The following ATP5F1A variants were observed in gnomAD, a reference collection of about 807,000 sequenced individuals.
ATP5F1A encodes ATP synthase F1 subunit alpha.
In ATP5F1A, 24 loss-of-function variants were observed where a neutral mutation model predicts 57.4. The ratio of observed to expected loss-of-function variants is 0.42; its 90% CI spans 0.30 to 0.59. ATP5F1A has a LOEUF of 0.59. Ranked by LOEUF, ATP5F1A falls within the 20% of genes least tolerant of loss-of-function variation. ATP5F1A has a pLI of 0.19. For synonymous variants in ATP5F1A, 251 were observed against 255.5 expected (o/e 0.98, Z 0.17); for missense variants, 494 against 707.9 (o/e 0.70, Z 3.43).
intron 2 of ATP5F1A, chr18:46,093,419 A>G (rs1344065310): frequency 2.0e-5 from 3 of 151,160 alleles, no homozygotes; most frequent in African/African-American, 7.3e-5. Context: ...TGCTTGTAAT[A>G]CCAGCTACTC....
upstream of ATP5F1A, among the ~76,000 whole-genome samples, chr18:46,101,879 GA>G (rs34615241): frequency 0.015 from 1,706 of 114,114 alleles, 33 homozygotes; most frequent in African/African-American, 0.048. Flanking sequence ...GATTCTGTCT[GA>G]AAAAAAAAAA....
rs140950200 is a variant in ATP5F1A at position 46,094,186 on chromosome 18, C to CACACACACACACACATAT, written c.139+866_139+867insATATGTGTGTGTGTGTGT. On this transcript the variant is annotated intron_variant, in intron 2 of 11. Transcript: ENST00000398752. ...ACATACACACACACACACACACACA[C>CACACACACACACACATAT]ATATACACACACACTCTCACACACA... Among the ~76,000 whole-genome samples, 234 of 151,096 alleles carry CACACACACACACACATAT rather than the reference C, an allele frequency of 1.5e-3. 1 individual carries two copies. Among genetic ancestry groups the CACACACACACACACATAT allele is most frequent in the African/African-American group, 5.1e-3 (209 of 41,054 alleles).
At chr18:46,094,917 G>A in intron 2 of ATP5F1A, 136 bp downstream of exon 2, 1 of 1,257,196 alleles carries the variant, frequency 8.0e-7, no homozygotes, top group Non-Finnish European at 1.0e-6. Context: ...GTAACAATAT[G>A]GTTTAAGAAC....
chr18:46,086,183 G>A lies in ATP5F1A; in HGVS notation c.1359C>T (p.Leu453=), dbSNP rs568546473. The change falls in exon 10 of 12, where the codon CTC becomes CTT. Residue 453 remains leucine, a synonymous_variant. Transcript: ENST00000398752. ...TCAAAAGTTGTTGAGTGGCAGCATC[G>A]AGGTCAGAACCGAACTGGGCAAAAG... ...VAAFAQFGSD[L]DAATQQLLSR... is the part of the protein sequence containing the mutation. The A allele has an allele frequency of 1.4e-5, 22 of 1,612,472 alleles. No individual in the cohort carries two copies. The African/African-American group carries it at 2.0e-4, about 15-fold the overall frequency.
chr18:46,090,636 G>A (rs145802281), intron 3 of ATP5F1A, among the ~76,000 whole-genome samples: 2 of 152,264 alleles, frequency 1.3e-5, no homozygotes, highest in East Asian at 3.9e-4. Flanking sequence ...CTCTGGAGAA[G>A]TACTTGGAGT....
At chr18:46,085,949 TC>T in intron 10 of ATP5F1A, 163 bp downstream of exon 10, 1 of 743,846 alleles carries the variant, frequency 1.3e-6, no homozygotes, top group Non-Finnish European at 2.0e-6. Context: ...AAAAAAAAAA[TC>T]AAAAATCAAA....
At chr18:46,101,998 C>T (rs947133383), upstream of ATP5F1A, among the ~76,000 whole-genome samples, 3 of 151,742 alleles carry the variant, frequency 2.0e-5, no homozygotes, top group African/African-American at 7.3e-5. Flanking sequence ...CATGGTGAAA[C>T]CCTGTCTCTA....
upstream of ATP5F1A, among the ~76,000 whole-genome samples, chr18:46,102,030 C>T (rs987972369): frequency 4.3e-4 from 66 of 151,758 alleles, no homozygotes; most frequent in Non-Finnish European, 8.1e-4. Context: ...AAAAATTAGC[C>T]GGGTGTGGTG....
Position 46,087,103 on chromosome 18 carries a change from C to T in ATP5F1A, c.1081G>A (p.Gly361Ser). 1 of 1,614,090 alleles carries T rather than the reference C, an allele frequency of 6.2e-7. No individual in the cohort carries two copies. The highest frequency in any genetic ancestry group is 8.5e-7 in the Non-Finnish European group (1 of 1,179,986). Residue 361 changes from glycine to serine, a missense_variant, in exon 8 of 12, where the codon GGT becomes AGT. Physicochemically the swap from Gly to Ser is moderately conservative, Grantham distance 56. This residue lies in a region of ATP5F1A where 15 missense variants were observed against 16.3 expected (regional missense o/e 0.92). Transcript: ENST00000398752. ...ACTGGCAAAGCAGTCAAGGAGCCAC[C>T]ACCAAAAGCATCGTTCATTTTGGCT... Reference protein sequence around the residue: ...RAAKMNDAFGGGSLTALPVIE... With the variant: ...RAAKMNDAFGSGSLTALPVIE...
chr18:46,096,169 G>A (rs542035399), intron 1 of ATP5F1A, among the ~76,000 whole-genome samples: 5 of 151,752 alleles, frequency 3.3e-5, no homozygotes, highest in African/African-American at 1.2e-4. Context: ...AATTACAGAC[G>A]TCAGCCACTG....
rs1024354396 is a variant in ATP5F1A at position 46,083,125 on chromosome 18, G to A, written c.*1157C>T. The A allele has an allele frequency of 1.3e-5, 2 of 151,606 alleles. No homozygotes were observed. The highest frequency in any genetic ancestry group is 4.8e-5 in the African/African-American group (2 of 41,266). 9.4% of individuals were successfully genotyped at this position (151,606 alleles called of 1,614,324 possible). On this transcript the variant is annotated 3_prime_UTR_variant, in exon 12 of 12. Coordinates refer to ENST00000398752, the MANE Select transcript of ATP5F1A (RefSeq NM_004046.6). ...AAGGCTATGAAAAGCTAGTAACAGAGGAAATAAAGTAGCTGTGAAAATATT... is the reference window on the plus strand; with the variant it reads ...AAGGCTATGAAAAGCTAGTAACAGAAGAAATAAAGTAGCTGTGAAAATATT...
At chr18:46,087,708 C>T (rs937682010) in intron 6 of ATP5F1A, 10 of 531,320 alleles carry the variant, frequency 1.9e-5, no homozygotes, top group African/African-American at 3.8e-5. Context: ...GAGGAAACTC[C>T]GTCTCTACTA....
chr18:46,098,297 G>C (rs2144225824), upstream of ATP5F1A: 1 of 1,525,938 alleles, frequency 6.6e-7, no homozygotes. Context: ...GGACAAAATG[G>C]CCGAGCCGCA....
rs1449121324 is a variant in ATP5F1A, at chr18:46,089,814, T to C, written c.483+9A>G. 1 of 1,609,846 alleles carries C rather than the reference T, an allele frequency of 6.2e-7. No individual in the cohort carries two copies. The highest frequency in any genetic ancestry group is 1.3e-5 in the African/African-American group (1 of 74,698). On this transcript the variant is annotated intron_variant, in intron 4 of 11. Transcript: ENST00000398752. ...AGCTGCAACTATATCTAACGAACAT[T>C]AAACCTACCTTTCCATCAATAGCAT...
chr18:46,086,867 A>G, intron 8 of ATP5F1A, 141 bp downstream of exon 8: 2 of 915,772 alleles, frequency 2.2e-6, no homozygotes, highest in Non-Finnish European at 3.3e-6. Flanking sequence ...CCATTCTCCT[A>G]ACTTTTCTAT....
rs1050673662 is a variant in ATP5F1A, at chr18:46,080,634, G to A, written c.*3648C>T. 1.6e-5 allele frequency: 2 copies of A among 127,332 alleles called. No individual in the cohort carries two copies. Among genetic ancestry groups the A allele is most frequent in the Admixed American group, 7.6e-5 (1 of 13,210 alleles). The allele number at this position is 127,332 out of a possible 1,614,324, so 7.9% of individuals were successfully genotyped here. ...TCTTCTAGCACAACTTTTTTTAAGA[G>A]TCAGGGTCTCTGTCACCTAGGCTGG... On this transcript the variant is annotated 3_prime_UTR_variant, in exon 12 of 12. Transcript: ENST00000398752.
At chr18:46,088,408 C>G (rs967343261) in intron 5 of ATP5F1A, 151 bp from the exon 6 acceptor site, 1 of 682,480 alleles carries the variant, frequency 1.5e-6, no homozygotes, top group African/African-American at 1.9e-5. Context: ...AAAAATTCTT[C>G]TGCCTTGAGA....
At position 46,088,079 on chromosome 18, in the gene ATP5F1A, A is replaced by G. The variant is rs758652494; in HGVS notation, c.799+30T>C. 1.9e-6 allele frequency: 3 copies of G among 1,583,442 alleles called. No homozygotes were observed. The Admixed American group carries it at 6.2e-5, about 32-fold the overall frequency. ...ATCAGCAGCAATGGGACTTAAGATA[A>G]TAGCAATGGGACTAAATTTCTTTTA... On this transcript the variant is annotated intron_variant, in intron 6 of 11. Transcript: ENST00000398752.
chr18:46,094,837 A>T, intron 2 of ATP5F1A: 1 of 612,696 alleles, frequency 1.6e-6, no homozygotes, highest in Non-Finnish European at 2.3e-6. Flanking sequence ...AAGCCATACT[A>T]ATATCAAAAG....
Sources: gnomAD v4.1 joint callset for allele counts (sites outside exome capture counted in the v4.1 genomes callset) on GRCh38, gnomAD v4.1.1 for gene constraint, gnomAD v4.1.1 regional missense constraint, MANE v1.5 for transcripts, NCBI Gene and HGNC (gene_info 2026-07-23, HGNC 2026-07-21) for gene names.